Variants in PRKAR2A observed in about 807,000 individuals in gnomAD.
PRKAR2A encodes the protein protein kinase cAMP-dependent type II regulatory subunit alpha.
A neutral mutation model predicts 51.9 loss-of-function variants in PRKAR2A; 29 were observed. The ratio of observed to expected loss-of-function variants is 0.56; its 90% CI spans 0.42 to 0.76. PRKAR2A has a LOEUF of 0.76. Among genes scored for constraint, PRKAR2A ranks in the 30% least tolerant of loss-of-function variants. The probability of loss-of-function intolerance (pLI) is 0.00; values close to 1 mark genes in which losing one functional copy is unlikely to be tolerated. For missense variants in PRKAR2A, 445 were observed against 512.1 expected (o/e 0.87, Z 1.26); for synonymous variants, 178 against 186.2 (o/e 0.96, Z 0.36).
intron 2 of PRKAR2A, among the ~76,000 whole-genome samples, chr3:48,799,400 C>A (rs1361007403): frequency 6.6e-6 from 1 of 152,120 alleles, no homozygotes; most frequent in Non-Finnish European, 1.5e-5. Flanking sequence ...CCTTCATTAC[C>A]TCTTTAAAGG....
intron 8 of PRKAR2A, among the ~76,000 whole-genome samples, chr3:48,756,839 A>C (rs1465322412): frequency 6.6e-6 from 1 of 152,222 alleles, no homozygotes; most frequent in East Asian, 1.9e-4. Context: ...TCTACTTCTG[A>C]GGCTTTCACA....
Position 48,847,574 on chromosome 3 carries a change from G to A in PRKAR2A, c.23C>T (p.Pro8Leu), listed in dbSNP as rs1200218187. 2 of 1,543,458 alleles carry A rather than the reference G, an allele frequency of 1.3e-6. No individual in the cohort carries two copies. The highest frequency in any genetic ancestry group is 1.7e-6 in the Non-Finnish European group (2 of 1,150,278). Residue 8 changes from proline (P) to leucine (L), a missense_variant, in exon 1 of 11, where the codon CCG becomes CTG. Physicochemically the swap from Pro to Leu is moderately conservative, Grantham distance 98. Transcript: ENST00000265563. The surrounding 1 kb of genome is among the most constrained non-coding windows in gnomAD (Gnocchi z 4.4). ...GCCCTGCAGCAGCTCCGTGAGCCCC[G>A]GCGGGATCTGGATGTGGCTCATGCC... MSHIQIP[P>L]GLTELLQGYT...
In PRKAR2A at chr3:48,847,583, T is replaced by A; in HGVS notation, c.14A>T (p.Gln5Leu). The A allele has an allele frequency of 4.6e-6, 7 of 1,517,532 alleles. No homozygotes were observed. The highest frequency in any genetic ancestry group is 6.1e-6 in the Non-Finnish European group (7 of 1,138,794). 94.0% of individuals were successfully genotyped at this position (1,517,532 alleles called of 1,614,324 possible). A position where few individuals can be genotyped will look rare whatever the true frequency, so the allele number is the denominator to read the frequency against. The change falls in exon 1 of 11, where the codon CAG (glutamine) becomes CTG (leucine). Residue 5 changes from glutamine (Q) to leucine (L), a missense_variant. Transcript: ENST00000265563. The surrounding 1 kb of genome is among the most constrained non-coding windows in gnomAD (Gnocchi z 4.4). MSHI[Q>L]IPPGLTELLQ... Reference sequence around the variant, plus strand: ...CAGCTCCGTGAGCCCCGGCGGGATCTGGATGTGGCTCATGCCGGCGGCGGC... The same window carrying A: ...CAGCTCCGTGAGCCCCGGCGGGATCAGGATGTGGCTCATGCCGGCGGCGGC...
Position 48,764,534 on chromosome 3 carries a change from G to A in PRKAR2A, c.873+470C>T, listed in dbSNP as rs73080351. Reference sequence around the variant, plus strand: ...ATCTGCACGTGTCAGTAAGACGGACGTCAATAAGCTTCAGAGGACTACATA... The same window carrying A: ...ATCTGCACGTGTCAGTAAGACGGACATCAATAAGCTTCAGAGGACTACATA... On this transcript the variant is annotated intron_variant, in intron 8 of 10. Transcript: ENST00000265563. 1.9e-3 allele frequency among the ~76,000 whole-genome samples: 291 copies of A among 152,240 alleles called. 1 individual carries two copies. The highest frequency in any genetic ancestry group is 3.3e-3 in the Non-Finnish European group (227 of 68,028).
chr3:48,840,496 GTA>G (rs1433837002), intron 1 of PRKAR2A, among the ~76,000 whole-genome samples: 1 of 137,846 alleles, frequency 7.3e-6, no homozygotes, highest in Admixed American at 7.4e-5. Flanking sequence ...TCGGTCTTAT[GTA>G]TATATATACC....
Position 48,752,290 on chromosome 3 carries a change from G to A in PRKAR2A, c.967C>T (p.Gln323Ter). 1 of 1,613,972 alleles carries A rather than the reference G, an allele frequency of 6.2e-7. No homozygotes were observed. The highest frequency in any genetic ancestry group is 8.5e-7 in the Non-Finnish European group (1 of 1,179,986). Reference sequence around the variant, plus strand: ...TGGCAGCGGGCAATCTCGACCTCCTGGTTCCCACCATCCTTGTTTGATTTA... The same window carrying A: ...TGGCAGCGGGCAATCTCGACCTCCTAGTTCCCACCATCCTTGTTTGATTTA... ...RTKSNKDGGNQEVEIARCHKG... is the reference protein window; with the variant it reads ...RTKSNKDGGN Residue 323 changes from glutamine (Q) to a stop codon, truncating the protein, a stop_gained, in exon 10 of 11, where the codon CAG becomes TAG. Transcript: ENST00000265563. LOFTEE classifies it high-confidence loss of function.
intron 2 of PRKAR2A, among the ~76,000 whole-genome samples, chr3:48,799,561 T>G (rs1041489015): frequency 1.3e-5 from 2 of 152,314 alleles, no homozygotes; most frequent in Non-Finnish European, 2.9e-5. Context: ...GAAAAAAATA[T>G]TGCATACTAT....
In PRKAR2A at chr3:48,764,225, G is replaced by A. The variant is rs374431885; in HGVS notation, c.873+779C>T. Among the ~76,000 whole-genome samples, 13 of 152,154 alleles carry A rather than the reference G, an allele frequency of 8.5e-5. No individual in the cohort carries two copies. The East Asian group carries it at 1.2e-3, about 14-fold the overall frequency. On this transcript the variant is annotated intron_variant, in intron 8 of 10. Coordinates refer to ENST00000265563, the MANE Select transcript of PRKAR2A (RefSeq NM_004157.4). ...GTTTAATTAAAAATACAAACACAGC[G>A]GACAAAGAAAATTATCAGACAGTAC...
intron 1 of PRKAR2A, among the ~76,000 whole-genome samples, chr3:48,828,380 A>G (rs1262520248): frequency 2.6e-5 from 4 of 152,040 alleles, no homozygotes; most frequent in East Asian, 3.9e-4. Flanking sequence ...CTCTTTTGTA[A>G]TAACATTTAC....
At chr3:48,843,726 G>A (rs1026691035) in intron 1 of PRKAR2A, among the ~76,000 whole-genome samples, 14 of 152,248 alleles carry the variant, frequency 9.2e-5, no homozygotes, top group Non-Finnish European at 1.5e-4. Flanking sequence ...AGAAAAACAA[G>A]CAATGGGGGA....
At position 48,790,623 on chromosome 3, in the gene PRKAR2A, A is replaced by C. The variant is rs1457938591; in HGVS notation, c.356T>G (p.Ile119Ser). 4.1e-6 allele frequency: 6 copies of C among 1,455,398 alleles called. No homozygotes were observed. Among genetic ancestry groups the C allele is most frequent in the Non-Finnish European group, 5.5e-6 (6 of 1,096,764 alleles). 90.2% of individuals were successfully genotyped at this position (1,455,398 alleles called of 1,614,324 possible). A position where few individuals can be genotyped will look rare whatever the true frequency, so the allele number is the denominator to read the frequency against. The change falls in exon 4 of 11, where the codon ATT becomes AGT. Residue 119 changes from isoleucine to serine, a missense_variant. Ile to Ser is a moderately radical substitution (Grantham distance 142). Transcript: ENST00000265563. Reference protein sequence around the residue: ...EEEEDTDPRVIHPKTDEQRCR... With the variant: ...EEEEDTDPRVSHPKTDEQRCR... Reference sequence around the variant, plus strand: ...TCTCTGTTCATCAGTTTTAGGATGAATCACCTGCCAATCCAAATAAAACCA... The same window carrying C: ...TCTCTGTTCATCAGTTTTAGGATGACTCACCTGCCAATCCAAATAAAACCA...
intron 1 of PRKAR2A, among the ~76,000 whole-genome samples, chr3:48,815,291 CACACAT>C (rs970275561): frequency 1.1e-4 from 16 of 152,028 alleles, no homozygotes; most frequent in Middle Eastern, 3.4e-3. Flanking sequence ...CATACATACA[CACACAT>C]ACACATACAT....
chr3:48,761,941 A>G (rs932120813), intron 8 of PRKAR2A, among the ~76,000 whole-genome samples: 21 of 152,220 alleles, frequency 1.4e-4, no homozygotes, highest in African/African-American at 5.1e-4. Flanking sequence ...TTAAAATTAC[A>G]TATGTGGCTC....
At chr3:48,770,297 C>T (rs987996244) in intron 6 of PRKAR2A, among the ~76,000 whole-genome samples, 1 of 152,172 alleles carries the variant, frequency 6.6e-6, no homozygotes, top group Non-Finnish European at 1.5e-5. Context: ...AGGAGTGCTA[C>T]TCTCTCCTGT....
Position 48,772,981 on chromosome 3 carries a change from T to C in PRKAR2A, c.670A>G (p.Thr224Ala), listed in dbSNP as rs1410144174. ...NTPRAATIVA[T>A]SEGSLWGLDR... is the part of the protein sequence containing the mutation. ...AGTCCCCAAAGGGAGCCTTCTGAGG[T>C]AGCAACAATGGTAGCAGCTCTCGGG... The change falls in exon 6 of 11, where the codon ACC (threonine) becomes GCC (alanine). Residue 224 changes from threonine (T) to alanine (A), a missense_variant. Thr to Ala is a moderately conservative substitution (Grantham distance 58). Coordinates refer to ENST00000265563, the MANE Select transcript of PRKAR2A (RefSeq NM_004157.4). 2 of 1,613,470 alleles carry C rather than the reference T, an allele frequency of 1.2e-6. No individual in the cohort carries two copies. The highest frequency in any genetic ancestry group is 1.7e-6 in the Non-Finnish European group (2 of 1,179,656).
intron 5 of PRKAR2A, among the ~76,000 whole-genome samples, chr3:48,773,319 C>T (rs1171432781): frequency 6.7e-6 from 1 of 148,918 alleles, no homozygotes; most frequent in East Asian, 2.0e-4. Flanking sequence ...CTTTTTGTGG[C>T]ATTCTTGGAA....
intron 5 of PRKAR2A, among the ~76,000 whole-genome samples, chr3:48,776,731 C>A (rs995178110): frequency 1.3e-5 from 2 of 151,850 alleles, no homozygotes; most frequent in African/African-American, 4.8e-5. Context: ...ATCCCAGCTA[C>A]TCGGGAGGCT....
chr3:48,834,618 T>C (rs2083249219), intron 1 of PRKAR2A, among the ~76,000 whole-genome samples: 1 of 150,786 alleles, frequency 6.6e-6, no homozygotes. Context: ...CCCAATTACT[T>C]GGGAGGCTGA....
chr3:48,843,608 A>G (rs2083413408), intron 1 of PRKAR2A, among the ~76,000 whole-genome samples: 1 of 152,208 alleles, frequency 6.6e-6, no homozygotes, highest in Non-Finnish European at 1.5e-5. Context: ...ACAGTAACCA[A>G]AACAGCATGG....
Sources: gnomAD v4.1 joint callset for allele counts (sites outside exome capture counted in the v4.1 genomes callset) on GRCh38, gnomAD v4.1.1 for gene constraint, Gnocchi (gnomAD v3.1) non-coding constraint, MANE v1.5 for transcripts, NCBI Gene and HGNC (gene_info 2026-07-23, HGNC 2026-07-21) for gene names.